The following MTAP variants were observed in gnomAD, a reference collection of about 807,000 sequenced individuals.
The protein encoded by MTAP is S-methyl-5'-thioadenosine phosphorylase.
A neutral mutation model predicts 33.6 loss-of-function variants in MTAP; 33 were observed. The observed-to-expected ratio is 0.98, with a 90% CI of 0.74 to 1.31. The LOEUF (loss-of-function observed/expected upper bound fraction) is 1.31, where lower values mean the gene tolerates loss of function less well. Among genes scored for constraint, MTAP ranks in the 40% most tolerant of loss-of-function variants. MTAP has a pLI of 0.00. For synonymous variants in MTAP, 148 were observed against 125.7 expected (o/e 1.18, Z -1.19); for missense variants, 367 against 360.0 (o/e 1.02, Z -0.16).
chr9:21,814,153 A>G (rs1824419855), intron 1 of MTAP, among the ~76,000 whole-genome samples: 1 of 151,092 alleles, frequency 6.6e-6, no homozygotes, highest in Non-Finnish European at 1.5e-5. Flanking sequence ...TTCAGTAAAA[A>G]CCTCACTAAA....
At position 21,805,934 on chromosome 9, in the gene MTAP, G is replaced by C. The variant is rs141434881; in HGVS notation, c.33+3153G>C. On this transcript the variant is annotated intron_variant, in intron 1 of 7. Coordinates refer to ENST00000644715, the MANE Select transcript of MTAP (RefSeq NM_002451.4). ...GACCTGAGGAGAGAGATGGGGGTAG[G>C]AGAGCGAAAACCAAGATGTCGCAGA... Among the ~76,000 whole-genome samples, 1,127 of 152,310 alleles carry C rather than the reference G, an allele frequency of 7.4e-3. 13 individuals carry two copies. Among genetic ancestry groups the C allele is most frequent in the African/African-American group, 0.026 (1,090 of 41,562 alleles).
chr9:21,830,158 A>G (rs885518), intron 4 of MTAP, among the ~76,000 whole-genome samples: 25,798 of 152,196 alleles, frequency 0.17, 2,633 homozygotes, highest in African/African-American at 0.27. Flanking sequence ...GAGCATCCAT[A>G]GAAAGCAACA....
Position 21,891,747 on chromosome 9 carries a change from G to A in MTAP, c.147+36877G>A, listed in dbSNP as rs989904471. Among the ~76,000 whole-genome samples the A allele has an allele frequency of 3.9e-5, 6 of 152,052 alleles. No individual in the cohort carries two copies. In the East Asian group the frequency reaches 5.8e-4, roughly 15 times the overall value. On this transcript the variant is annotated intron_variant, in intron 1 of 1. Coordinates refer to the MTAP transcript ENST00000577563. The stretch of plus-strand genomic sequence containing the variant: ...GTTTCCCCAGCCTTGCTAGAGAGGC[G>A]AATATTCAAATGCAGGAAATTTAGA...
At chr9:21,839,111 T>C (rs1825180602) in intron 5 of MTAP, among the ~76,000 whole-genome samples, 1 of 151,942 alleles carries the variant, frequency 6.6e-6, no homozygotes, top group Non-Finnish European at 1.5e-5. Flanking sequence ...AGGGAAGCCA[T>C]TTCGGAGATA....
chr9:21,911,921 A>G (rs1229479068), intron 1 of MTAP, among the ~76,000 whole-genome samples: 1 of 152,252 alleles, frequency 6.6e-6, no homozygotes, highest in Non-Finnish European at 1.5e-5. Context: ...AGAATCAAAT[A>G]GATGAAATAA....
downstream of MTAP, among the ~76,000 whole-genome samples, chr9:21,870,718 C>G (rs1825922728): frequency 6.6e-6 from 1 of 150,708 alleles, no homozygotes; most frequent in Non-Finnish European, 1.5e-5. Flanking sequence ...AATACTAAAT[C>G]TTTGGGATCA....
At chr9:21,856,083 C>G in intron 6 of MTAP, 2 of 845,638 alleles carry the variant, frequency 2.4e-6, no homozygotes, top group Non-Finnish European at 1.4e-6. Context: ...ACCTCTTTCT[C>G]TTTTTATTCC....
chr9:21,802,849 A>G (rs987929247), intron 1 of MTAP, 68 bp downstream of exon 1: 4 of 1,594,380 alleles, frequency 2.5e-6, no homozygotes, highest in Non-Finnish European at 3.4e-6. Context: ...GCGCCGGGGG[A>G]CCGCGCCTCC....
intron 1 of MTAP, among the ~76,000 whole-genome samples, chr9:21,927,642 T>C (rs1234022882): frequency 6.6e-6 from 1 of 152,170 alleles, no homozygotes; most frequent in East Asian, 1.9e-4. Flanking sequence ...TTGTCAAGAA[T>C]GGAGATAGAT....
At chr9:21,884,943 C>A (rs1818085576) in intron 1 of MTAP, among the ~76,000 whole-genome samples, 1 of 152,016 alleles carries the variant, frequency 6.6e-6, no homozygotes, top group African/African-American at 2.4e-5. Context: ...GAAACCACTA[C>A]CATAAAATTC....
chr9:21,807,563 C>G (rs1186534052), intron 1 of MTAP, among the ~76,000 whole-genome samples: 1 of 152,104 alleles, frequency 6.6e-6, no homozygotes, highest in Non-Finnish European at 1.5e-5. Context: ...CACAGAAATG[C>G]CAGTAGCACT....
At chr9:21,823,799 C>T (rs945197224) in intron 4 of MTAP, among the ~76,000 whole-genome samples, 1 of 152,174 alleles carries the variant, frequency 6.6e-6, no homozygotes, top group African/African-American at 2.4e-5. Flanking sequence ...TTCTTGGAGG[C>T]TTCGTTCATT....
chr9:21,936,917 G>A (rs1304927135), exon 8 of MTAP: 5 of 152,092 alleles, frequency 3.3e-5, no homozygotes, highest in Middle Eastern at 3.2e-3. Context: ...GGTCTAGTTT[G>A]GAGGTTATTT....
chr9:21,900,479 C>T (rs1226123019), intron 1 of MTAP, among the ~76,000 whole-genome samples: 1 of 152,112 alleles, frequency 6.6e-6, no homozygotes, highest in Non-Finnish European at 1.5e-5. Context: ...CCATATCACA[C>T]CAGTCAGAAT....
At chr9:21,915,037 T>G (rs1466261565) in intron 1 of MTAP, among the ~76,000 whole-genome samples, 2 of 109,108 alleles carry the variant, frequency 1.8e-5, no homozygotes, top group Non-Finnish European at 3.3e-5. Flanking sequence ...CCTTCCTTCC[T>G]TCCTTCCTTC....
intron 5 of MTAP, among the ~76,000 whole-genome samples, chr9:21,854,086 G>A (rs1825577695): frequency 6.6e-6 from 1 of 152,158 alleles, no homozygotes; most frequent in African/African-American, 2.4e-5. Context: ...ACAACTCTGT[G>A]GAAAGGCAAT....
chr9:21,931,155 T>TA lies in MTAP; in HGVS notation c.296dup (p.Tyr99Ter), dbSNP rs1295902926. Residue 99 changes from tyrosine to a stop codon, truncating the protein, a stop_gained and frameshift_variant, in exon 2 of 2, where the codon TAC becomes TAAC. Coordinates refer to the MTAP transcript ENST00000577563. LOFTEE classifies it high-confidence loss of function. ...CCTGTCTCCCTTAGACCTGGCTGGA[T>TA]ACTGCTTCCAACAACCCATGCAGCC... 12 of 753,442 alleles carry TA rather than the reference T, an allele frequency of 1.6e-5. No homozygotes were observed. Among genetic ancestry groups the TA allele is most frequent in the Non-Finnish European group, 2.7e-5 (11 of 412,292 alleles). The allele number at this position is 753,442 out of a possible 1,614,324, so 46.7% of individuals were successfully genotyped here. A position where few individuals can be genotyped will look rare whatever the true frequency, so the allele number is the denominator to read the frequency against.
At chr9:21,847,495 T>G (rs1382867208) in intron 5 of MTAP, among the ~76,000 whole-genome samples, 1 of 152,188 alleles carries the variant, frequency 6.6e-6, no homozygotes, top group South Asian at 2.1e-4. Flanking sequence ...TTGAACTGTT[T>G]AGAGAGTTAT....
chr9:21,802,906 G>A (rs770170634), intron 1 of MTAP, 125 bp downstream of exon 1: 1 of 1,459,734 alleles, frequency 6.9e-7, no homozygotes, highest in Admixed American at 2.8e-5. Flanking sequence ...CGCGGGGAGG[G>A]ACTGGGGCGC....
Sources: allele counts gnomAD v4.1 joint callset (sites outside exome capture counted in the v4.1 genomes callset), GRCh38; gene constraint gnomAD v4.1.1; transcripts MANE v1.5; gene names NCBI Gene and HGNC (gene_info 2026-07-23, HGNC 2026-07-21).